Variants in BABAM2 observed in about 807,000 individuals in gnomAD.
BABAM2 encodes BRISC and BRCA1 A complex member 2, also known as BRISC and BRCA1-A complex member 2.
BABAM2 carries 31 observed loss-of-function variants against 54.7 expected under a neutral mutation model. The observed-to-expected ratio is 0.57, with a 90% CI of 0.43 to 0.77. The LOEUF (loss-of-function observed/expected upper bound fraction) is 0.77. BABAM2 is among the 30% of genes least tolerant of loss of function. BABAM2 has a pLI of 0.00. For missense variants in BABAM2, 364 were observed against 455.8 expected (o/e 0.80, Z 1.83); for synonymous variants, 167 against 162.9 (o/e 1.03, Z -0.19).
intron 10 of BABAM2, among the ~76,000 whole-genome samples, chr2:28,252,272 T>TTA (rs1285954315): frequency 6.6e-6 from 1 of 151,726 alleles, no homozygotes; most frequent in Admixed American, 6.6e-5. Flanking sequence ...AGTTCTCTAA[T>TTA]ATTGTTCCGA....
chr2:28,335,524 G>A (rs927543571), intron 11 of BABAM2, among the ~76,000 whole-genome samples: 6 of 152,200 alleles, frequency 3.9e-5, no homozygotes, highest in African/African-American at 1.2e-4. Flanking sequence ...CTTCTTGCAA[G>A]CTCGTGGTCA....
chr2:28,017,923 GGTT>G (rs1426978662), intron 4 of BABAM2, among the ~76,000 whole-genome samples: 1 of 152,094 alleles, frequency 6.6e-6, no homozygotes, highest in African/African-American at 2.4e-5. Context: ...TGGACATTTG[GGTT>G]GTTTGTACTT....
At chr2:27,932,410 A>G (rs373734074) in intron 3 of BABAM2, among the ~76,000 whole-genome samples, 1 of 152,126 alleles carries the variant, frequency 6.6e-6, no homozygotes, top group African/African-American at 2.4e-5. Context: ...CCTAGGGATT[A>G]TATTTTTGTT....
intron 10 of BABAM2, among the ~76,000 whole-genome samples, chr2:28,268,828 G>A (rs1685195516): frequency 6.6e-6 from 1 of 152,106 alleles, no homozygotes; most frequent in Admixed American, 6.5e-5. Flanking sequence ...CTCATCCATT[G>A]ACTCAATCAT....
chr2:27,894,423 AT>A (rs1225380558), intron 1 of BABAM2, 109 bp from the exon 2 acceptor site: 4 of 1,076,176 alleles, frequency 3.7e-6, no homozygotes, highest in Non-Finnish European at 2.7e-6. Flanking sequence ...TGGGAAATGA[AT>A]TATTTATTCA....
intron 2 of BABAM2, among the ~76,000 whole-genome samples, chr2:27,912,355 T>A (rs985166590): frequency 4.6e-5 from 7 of 152,178 alleles, no homozygotes; most frequent in Non-Finnish European, 8.8e-5. Context: ...GCATAATTTC[T>A]TACAGCACAG....
chr2:28,292,042 C>T (rs928541237), intron 10 of BABAM2, among the ~76,000 whole-genome samples: 1 of 151,966 alleles, frequency 6.6e-6, no homozygotes, highest in Non-Finnish European at 1.5e-5. Flanking sequence ...CGTTTCCTAA[C>T]GAGGCTTGGA....
chr2:27,917,571 G>A (rs1004203062), intron 2 of BABAM2, among the ~76,000 whole-genome samples: 17 of 152,026 alleles, frequency 1.1e-4, no homozygotes, highest in African/African-American at 1.9e-4. Flanking sequence ...TTATAAGGAC[G>A]CTAATCCTAT....
rs559261460 is a variant in BABAM2, at chr2:28,231,366, C to A, written c.681-5836C>A. 6.6e-5 allele frequency among the ~76,000 whole-genome samples: 10 copies of A among 152,252 alleles called. No homozygotes were observed. The South Asian group carries it at 2.1e-3, about 32-fold the overall frequency. On this transcript the variant is annotated intron_variant, in intron 7 of 11. Coordinates refer to ENST00000379624, the MANE Select transcript of BABAM2 (RefSeq NM_199191.3). ...TTTGGAAGGACTTATCGTTGGTACC[C>A]TAGTCGTGTGTTCAGAATGGGAAAC...
intron 11 of BABAM2, among the ~76,000 whole-genome samples, chr2:28,335,140 GTC>G (rs1211034158): frequency 6.9e-6 from 1 of 145,658 alleles, no homozygotes; most frequent in African/African-American, 2.6e-5. Flanking sequence ...TGGAGCTGCT[GTC>G]TCTCCCACCT....
At chr2:28,248,207 C>CTTTTTCTTTTTGTTTT (rs1553349503) in intron 10 of BABAM2, among the ~76,000 whole-genome samples, 1 of 54,306 alleles carries the variant, frequency 1.8e-5, no homozygotes, top group Non-Finnish European at 3.7e-5. Flanking sequence ...TTTTCTTTTT[C>CTTTTTCTTTTTGTTTT]TTTTTTTTTT....
chr2:27,972,409 G>T (rs1671283326), intron 3 of BABAM2, among the ~76,000 whole-genome samples: 1 of 152,216 alleles, frequency 6.6e-6, no homozygotes, highest in African/African-American at 2.4e-5. Flanking sequence ...GGTATCTAAT[G>T]AGGCAGGGAG....
At position 28,292,408 on chromosome 2, in the gene BABAM2, T is replaced by C. The variant is rs528605445; in HGVS notation, c.935-5930T>C. Among the ~76,000 whole-genome samples, 7 of 152,346 alleles carry C rather than the reference T, an allele frequency of 4.6e-5. No homozygotes were observed. In the South Asian group the frequency reaches 1.4e-3, roughly 32 times the overall value. On this transcript the variant is annotated intron_variant, in intron 10 of 11. Transcript: ENST00000379624. ...AATATTTCTGAAATAGATTATACAA[T>C]TATATGTACATAGATTATACAGTTA... is the stretch of plus-strand genomic sequence containing the variant.
chr2:28,285,228 A>T (rs1686691801), intron 10 of BABAM2, among the ~76,000 whole-genome samples: 1 of 152,054 alleles, frequency 6.6e-6, no homozygotes, highest in African/African-American at 2.4e-5. Context: ...CAGTCTTGGG[A>T]ATGGGAAAAG....
At chr2:28,059,345 G>T (rs1196696008) in intron 6 of BABAM2, among the ~76,000 whole-genome samples, 1 of 151,970 alleles carries the variant, frequency 6.6e-6, no homozygotes, top group Non-Finnish European at 1.5e-5. Flanking sequence ...TTGCAGATTT[G>T]TTTTCATATT....
chr2:28,054,464 C>T (rs963633054), intron 6 of BABAM2, among the ~76,000 whole-genome samples: 3 of 152,186 alleles, frequency 2.0e-5, no homozygotes, highest in African/African-American at 2.4e-5. Flanking sequence ...TTTATACCCA[C>T]CTTCCCCCAA....
chr2:28,250,318 C>CTTTT (rs35545683), intron 10 of BABAM2, among the ~76,000 whole-genome samples: 6 of 118,794 alleles, frequency 5.1e-5, no homozygotes, highest in Non-Finnish European at 6.8e-5. Flanking sequence ...ATTTGTTGAA[C>CTTTT]TTTTTTTTTT....
chr2:27,893,267 C>T (rs1158753139), intron 1 of BABAM2, among the ~76,000 whole-genome samples: 2 of 152,154 alleles, frequency 1.3e-5, no homozygotes, highest in Admixed American at 6.5e-5. Context: ...CTCCCCCAGC[C>T]CTATGAGTTT....
chr2:27,963,469 CAAAAA>C (rs760525051), intron 3 of BABAM2, among the ~76,000 whole-genome samples: 3 of 54,402 alleles, frequency 5.5e-5, no homozygotes, highest in African/African-American at 1.3e-4. Context: ...GACTCTTTCT[CAAAAA>C]AAAAAAAAAA....
Sources: allele counts gnomAD v4.1 joint callset (sites outside exome capture counted in the v4.1 genomes callset), GRCh38; gene constraint gnomAD v4.1.1; transcripts MANE v1.5; gene names NCBI Gene and HGNC (gene_info 2026-07-23, HGNC 2026-07-21).